Variants in SETDB2 observed in about 807,000 individuals in gnomAD.
SETDB2 encodes the protein SET domain bifurcated histone lysine methyltransferase 2.
In SETDB2, 56 loss-of-function variants were observed where a neutral mutation model predicts 82.5. The observed-to-expected ratio is 0.68, with a 90% confidence interval of 0.55 to 0.85. SETDB2 has a LOEUF of 0.85. Among genes scored for constraint, SETDB2 ranks in the 40% least tolerant of loss-of-function variants. The pLI, the probability that SETDB2 is intolerant of heterozygous loss-of-function variation, is 0.00. For missense variants in SETDB2, 677 were observed against 816.4 expected, an observed-to-expected ratio of 0.83 and a Z score of 2.08; for synonymous variants, 272 against 284.9, an observed-to-expected ratio of 0.95 and a Z score of 0.46.
intron 6 of SETDB2, among the ~76,000 whole-genome samples, chr13:49,478,276 C>T (rs968802555): frequency 3.3e-5 from 5 of 152,086 alleles, no homozygotes; most frequent in Admixed American, 2.6e-4. Flanking sequence ...TAAATGTAAC[C>T]CAACTACCTC....
intron 1 of SETDB2, among the ~76,000 whole-genome samples, chr13:49,447,073 T>G (rs1957704610): frequency 6.6e-6 from 1 of 152,152 alleles, no homozygotes; most frequent in Non-Finnish European, 1.5e-5. Flanking sequence ...TGGCTGCAAA[T>G]TATATTTTTA....
Position 49,444,744 on chromosome 13 carries a change from G to A in SETDB2, c.-455G>A, listed in dbSNP as rs1594117464. On this transcript the variant is annotated 5_prime_UTR_variant, in exon 1 of 14. Transcript: ENST00000611815. ...GTCTCAGGGTGCAGCCTTAATGAGA[G>A]GTGATTCCTAAGCTGCTGGGAACCT... The A allele has an allele frequency of 6.6e-6, 1 of 152,592 alleles. No homozygotes were observed. Among genetic ancestry groups the A allele is most frequent in the African/African-American group, 2.4e-5 (1 of 41,560 alleles). 9.5% of individuals were successfully genotyped at this position (152,592 alleles called of 1,614,324 possible). A position where few individuals can be genotyped will look rare whatever the true frequency, so the allele number is the denominator to read the frequency against.
chr13:49,444,712 CCTGT>C lies in SETDB2; in HGVS notation c.-480_-477del, dbSNP rs1202568644. 2.0e-5 allele frequency: 3 copies of C among 153,354 alleles called. No homozygotes were observed. Among genetic ancestry groups the C allele is most frequent in the African/African-American group, 7.2e-5 (3 of 41,452 alleles). The allele number at this position is 153,354 out of a possible 1,614,324, so 9.5% of individuals were successfully genotyped here. ...ACTGAGTTTCCAACCTCCATTTCAG[CCTGT>C]CTGTCTCAGGGTGCAGCCTTAATGA... On this transcript the variant is annotated 5_prime_UTR_variant, in exon 1 of 14. Coordinates refer to ENST00000611815, the MANE Select transcript of SETDB2 (RefSeq NM_001160308.3).
intron 2 of SETDB2, among the ~76,000 whole-genome samples, chr13:49,455,511 A>T (rs1278808304): frequency 6.6e-6 from 1 of 152,144 alleles, no homozygotes; most frequent in Non-Finnish European, 1.5e-5. Context: ...TTAATCATAT[A>T]ATTTTAAAAT....
intron 2 of SETDB2, among the ~76,000 whole-genome samples, chr13:49,458,337 A>C (rs1399396132): frequency 2.6e-5 from 4 of 152,120 alleles, no homozygotes; most frequent in Non-Finnish European, 5.9e-5. Context: ...GGTCTCCTAA[A>C]GTGCTGGGAT....
intron 4 of SETDB2, 70 bp from the exon 5 acceptor site, chr13:49,467,794 T>TA: frequency 8.7e-7 from 1 of 1,146,092 alleles, no homozygotes; most frequent in Non-Finnish European, 1.2e-6. Context: ...AATGAACATA[T>TA]TACTTGGGTA....
intron 8 of SETDB2, chr13:49,482,196 G>T (rs1958493862): frequency 1.0e-6 from 1 of 985,288 alleles, no homozygotes; most frequent in Non-Finnish European, 1.2e-6. Context: ...TCTAACAATG[G>T]GTAAGAATAT....
chr13:49,489,769 C>G (rs562977842), intron 12 of SETDB2, among the ~76,000 whole-genome samples: 1 of 149,810 alleles, frequency 6.7e-6, no homozygotes, highest in Non-Finnish European at 1.5e-5. Flanking sequence ...CTAATTTTTG[C>G]ATTTTTAGTA....
At chr13:49,462,961 TAG>T (rs1416762510) in intron 4 of SETDB2, among the ~76,000 whole-genome samples, 2 of 152,150 alleles carry the variant, frequency 1.3e-5, no homozygotes, top group Non-Finnish European at 2.9e-5. Flanking sequence ...TAACAAAAGA[TAG>T]AAGACAGGTT....
At chr13:49,491,018 C>A in intron 13 of SETDB2, 108 bp downstream of exon 13, 2 of 792,288 alleles carry the variant, frequency 2.5e-6, no homozygotes. Flanking sequence ...TTTGGGAGGC[C>A]AAGGTGGGGA....
At chr13:49,458,798 A>T (rs558161743) in intron 2 of SETDB2, among the ~76,000 whole-genome samples, 1 of 152,356 alleles carries the variant, frequency 6.6e-6, no homozygotes, top group Non-Finnish European at 1.5e-5. Flanking sequence ...TATTGTCCAT[A>T]TGATTGCCTG....
chr13:49,458,803 T>G (rs1266696680), intron 2 of SETDB2, among the ~76,000 whole-genome samples: 2 of 152,230 alleles, frequency 1.3e-5, no homozygotes, highest in Non-Finnish European at 2.9e-5. Flanking sequence ...TCCATATGAT[T>G]GCCTGAGGCA....
rs1031929466 is a variant in SETDB2, at chr13:49,451,595, T to C, written c.-299T>C. On this transcript the variant is annotated 5_prime_UTR_variant, in exon 2 of 14. Coordinates refer to ENST00000611815, the MANE Select transcript of SETDB2 (RefSeq NM_001160308.3). ...TGGACCAAAAGATGGAGTTGGTTTT[T>C]ATTTTTAAAAAGATAATGTTAATGA... The C allele has an allele frequency of 3.1e-5, 6 of 191,782 alleles. No homozygotes were observed. The highest frequency in any genetic ancestry group is 5.3e-5 in the Non-Finnish European group (5 of 94,304). 11.9% of individuals were successfully genotyped at this position (191,782 alleles called of 1,614,324 possible).
chr13:49,464,073 C>T (rs67216195), intron 4 of SETDB2: 32,778 of 774,490 alleles, frequency 0.042, 1,227 homozygotes, highest in South Asian at 0.13. Context: ...TTTGAGAGCA[C>T]ATTATACCAC....
chr13:49,472,982 C>T (rs1283802169), intron 5 of SETDB2, among the ~76,000 whole-genome samples: 1 of 152,082 alleles, frequency 6.6e-6, no homozygotes, highest in African/African-American at 2.4e-5. Context: ...TTTACTATTA[C>T]AAATTTTAGT....
rs1958378963 is a variant in SETDB2, at chr13:49,476,980, A to G, written c.810A>G (p.Leu270=). 4 of 1,613,002 alleles carry G rather than the reference A, an allele frequency of 2.5e-6. No individual in the cohort carries two copies. The highest frequency in any genetic ancestry group is 3.4e-6 in the Non-Finnish European group (4 of 1,179,854). Residue 270 remains leucine, a synonymous_variant, in exon 6 of 14, where the codon CTA becomes CTG. Coordinates refer to ENST00000611815, the MANE Select transcript of SETDB2 (RefSeq NM_001160308.3). The part of the protein sequence containing the change: ...RKTVWPRAYN[L]TNFSSMFTDS... ...CTGTGTGGCCTCGAGCATATAATCTAACCAACTTTTCCAGCATGTTTACTG... is the reference window on the plus strand; with the variant it reads ...CTGTGTGGCCTCGAGCATATAATCTGACCAACTTTTCCAGCATGTTTACTG...
At chr13:49,489,566 A>G (rs1594184285) in intron 12 of SETDB2, among the ~76,000 whole-genome samples, 1 of 137,372 alleles carries the variant, frequency 7.3e-6, no homozygotes, top group Non-Finnish European at 1.6e-5. Context: ...CCCCGACTCC[A>G]CCTTCTCTCT....
At position 49,481,035 on chromosome 13, in the gene SETDB2, G is replaced by A. The variant is rs1277421791; in HGVS notation, c.1075G>A (p.Val359Met). 5.6e-6 allele frequency: 9 copies of A among 1,614,204 alleles called. No homozygotes were observed. The highest frequency in any genetic ancestry group is 7.6e-6 in the Non-Finnish European group (9 of 1,180,022). Residue 359 changes from valine to methionine, a missense_variant, in exon 8 of 14, where the codon GTG (valine) becomes ATG (methionine). Transcript: ENST00000611815. ...ACATGGTCCTCAAGTGAGGTTACAG[G>A]TGTTCAAAACTGAGCAGAAGGGATG... ...VQHGPQVRLQ[V>M]FKTEQKGWGV...
At chr13:49,463,929 T>A in intron 4 of SETDB2, 1 of 702,864 alleles carries the variant, frequency 1.4e-6, no homozygotes, top group Non-Finnish European at 2.6e-6. Context: ...GGGCTGTGCC[T>A]ATTGCTGCCT....
Sources: allele counts gnomAD v4.1 joint callset (sites outside exome capture counted in the v4.1 genomes callset), GRCh38; gene constraint gnomAD v4.1.1; transcripts MANE v1.5; gene names NCBI Gene and HGNC (gene_info 2026-07-23, HGNC 2026-07-21).